The following UFL1 variants were observed in gnomAD, a reference collection of about 807,000 sequenced individuals.
UFL1 encodes the protein UFM1 specific ligase 1.
UFL1 carries 78 observed loss-of-function variants against 99.3 expected under a neutral mutation model. The observed-to-expected ratio is 0.79, with a 90% CI of 0.65 to 0.95. UFL1 has a LOEUF of 0.95. UFL1 is among the 40% of genes least tolerant of loss of function. UFL1 has a pLI of 0.00. For missense variants in UFL1, 936 were observed against 937.0 expected (o/e 1.00, Z 0.01); for synonymous variants, 335 against 322.2 (o/e 1.04, Z -0.42).
At chr6:96,550,350 T>C (rs1307503891) in intron 15 of UFL1, among the ~76,000 whole-genome samples, 1 of 151,896 alleles carries the variant, frequency 6.6e-6, no homozygotes, top group African/African-American at 2.4e-5. Flanking sequence ...CTCTACCTCC[T>C]CTTCCTCCTC....
At position 96,521,806 on chromosome 6, in the gene UFL1, C is replaced by T. The variant is rs1397944399; in HGVS notation, c.-68C>T. ...TCCCTCTGCGCGGCCCGTTCCGCCT[C>T]TCTTCTCCCACCGCCTGTCGGCTGA... On this transcript the variant is annotated 5_prime_UTR_variant, in exon 1 of 19. Transcript: ENST00000369278. The T allele has an allele frequency of 4.5e-6, 7 of 1,540,072 alleles. No homozygotes were observed. Among genetic ancestry groups the T allele is most frequent in the South Asian group, 2.4e-5 (2 of 83,916 alleles).
chr6:96,534,235 G>GTTTT, intron 6 of UFL1, 28 bp from the exon 7 acceptor site: 5 of 1,107,108 alleles, frequency 4.5e-6, no homozygotes, highest in South Asian at 3.6e-5. Flanking sequence ...TGAGTAAGAA[G>GTTTT]TTTTTTTTTT....
chr6:96,541,244 T>C (rs1377313644), intron 11 of UFL1, among the ~76,000 whole-genome samples: 1 of 151,454 alleles, frequency 6.6e-6, no homozygotes, highest in African/African-American at 2.4e-5. Flanking sequence ...TGTTGTACTC[T>C]TGCTACATAC....
In UFL1 at chr6:96,551,842, T is replaced by TAGA; in HGVS notation, c.1908_1910dup (p.Glu636dup). 4.4e-6 allele frequency: 7 copies of TAGA among 1,601,356 alleles called. No individual in the cohort carries two copies. Among genetic ancestry groups the TAGA allele is most frequent in the Non-Finnish European group, 6.0e-6 (7 of 1,172,176 alleles). On this transcript the variant is annotated inframe_insertion, in exon 17 of 19. Coordinates refer to ENST00000369278, the MANE Select transcript of UFL1 (RefSeq NM_015323.5). ...TGGTATTCAATGCCTTTTCAGAGCA[T>TAGA]AGAAGACTTTATTTCTTGTCTGGAT...
chr6:96,548,311 A>G (rs759488479), intron 13 of UFL1, 30 bp downstream of exon 13: 4 of 1,346,430 alleles, frequency 3.0e-6, no homozygotes, highest in Non-Finnish European at 1.0e-6. Flanking sequence ...TTTCTGTTTT[A>G]TGGTAGAAAT....
intron 6 of UFL1, among the ~76,000 whole-genome samples, chr6:96,532,270 AT>A (rs1260622243): frequency 1.3e-5 from 2 of 152,196 alleles, no homozygotes; most frequent in Non-Finnish European, 2.9e-5. Flanking sequence ...AGCCTTCTAC[AT>A]TTTTGTAAGG....
chr6:96,536,477 C>A (rs1269489548), intron 8 of UFL1, 87 bp downstream of exon 8: 53 of 962,338 alleles, frequency 5.5e-5, no homozygotes, highest in Non-Finnish European at 1.4e-6. Flanking sequence ...TAGAGTCCTC[C>A]TTTGATCTGT....
chr6:96,535,509 C>T (rs1769840675), intron 7 of UFL1, among the ~76,000 whole-genome samples: 1 of 151,920 alleles, frequency 6.6e-6, no homozygotes, highest in Admixed American at 6.6e-5. Context: ...TATTATATGC[C>T]AGCTACTGTT....
intron 11 of UFL1, among the ~76,000 whole-genome samples, chr6:96,541,326 A>T (rs765000095): frequency 6.6e-6 from 1 of 151,474 alleles, no homozygotes; most frequent in Non-Finnish European, 1.5e-5. Flanking sequence ...TCTGAAGGAC[A>T]TATTTTTACA....
chr6:96,537,627 A>G (rs1769872283), intron 9 of UFL1, 78 bp downstream of exon 9: 4 of 1,376,136 alleles, frequency 2.9e-6, no homozygotes, highest in Non-Finnish European at 2.9e-6. Context: ...TTTAGAAATT[A>G]GGATACATAA....
intron 4 of UFL1, 24 bp from the exon 5 acceptor site, chr6:96,526,297 T>C (rs774612428): frequency 2.6e-6 from 4 of 1,556,430 alleles, no homozygotes; most frequent in Non-Finnish European, 3.5e-6. Context: ...CTTTTTTCTA[T>C]TATTTTCTTG....
intron 4 of UFL1, among the ~76,000 whole-genome samples, chr6:96,525,668 C>A (rs1769687908): frequency 6.8e-6 from 1 of 146,062 alleles, no homozygotes; most frequent in African/African-American, 2.5e-5. Context: ...AGCAAAGATC[C>A]TGTCTCAAAT....
At chr6:96,539,794 A>G (rs1763758914) in intron 10 of UFL1, among the ~76,000 whole-genome samples, 1 of 151,572 alleles carries the variant, frequency 6.6e-6, no homozygotes, top group Non-Finnish European at 1.5e-5. Context: ...CATGGTTATC[A>G]CTTTTCTTCT....
chr6:96,553,424 G>A lies in UFL1; in HGVS notation c.2306G>A (p.Arg769His), dbSNP rs768541388. 1.2e-5 allele frequency: 19 copies of A among 1,613,588 alleles called. No homozygotes were observed. Among genetic ancestry groups the A allele is most frequent in the East Asian group, 6.7e-5 (3 of 44,834 alleles). ...CAAGAAGATGTTGCCAGTACTACTC[G>A]TAAAGAGCTTCAAGAACTTTCTTCA... ...KEQEDVASTT[R>H]KELQELSSSI... is the part of the protein sequence containing the mutation. The change falls in exon 19 of 19, where the codon CGT becomes CAT. Residue 769 changes from arginine to histidine, a missense_variant. Transcript: ENST00000369278.
At chr6:96,538,300 T>C (rs1185910122) in intron 9 of UFL1, among the ~76,000 whole-genome samples, 2 of 151,788 alleles carry the variant, frequency 1.3e-5, no homozygotes, top group Non-Finnish European at 2.9e-5. Context: ...AAAATACATT[T>C]TGAAGGTTAT....
rs1582447282 is a variant in UFL1, at chr6:96,551,427, C to T, written c.1819-6C>T. 2 of 1,457,890 alleles carry T rather than the reference C, an allele frequency of 1.4e-6. No homozygotes were observed. Among genetic ancestry groups the T allele is most frequent in the South Asian group, 2.5e-5 (2 of 79,182 alleles). 90.3% of individuals were successfully genotyped at this position (1,457,890 alleles called of 1,614,324 possible). On this transcript the variant is annotated splice_region_variant and splice_polypyrimidine_tract_variant and intron_variant, in intron 15 of 18. Coordinates refer to ENST00000369278, the MANE Select transcript of UFL1 (RefSeq NM_015323.5). ...GTACTGAATGAATTTTCATTTACCC[C>T]TACAGATAAGAAAGAAAATTTTAAG... is the stretch of plus-strand genomic sequence containing the variant.
chr6:96,551,540 T>C, intron 16 of UFL1, 27 bp downstream of exon 16: 2 of 1,380,844 alleles, frequency 1.4e-6, no homozygotes, highest in South Asian at 2.7e-5. Flanking sequence ...TCTATTTACA[T>C]GTCAGGGCTA....
rs1447248545 is a variant in UFL1, at chr6:96,554,645, CA to C, written c.*1143del. On this transcript the variant is annotated 3_prime_UTR_variant, in exon 19 of 19. Transcript: ENST00000369278. The stretch of plus-strand genomic sequence containing the variant: ...TACTATTTTATATAATTCCTTATGA[CA>C]TTTTAAACTTTATATTTTAAAATAT... 6.6e-6 allele frequency: 1 copy of C among 152,238 alleles called. No individual in the cohort carries two copies. Among genetic ancestry groups the C allele is most frequent in the Non-Finnish European group, 1.5e-5 (1 of 67,894 alleles). The allele number at this position is 152,238 out of a possible 1,614,324, so 9.4% of individuals were successfully genotyped here. A position where few individuals can be genotyped will look rare whatever the true frequency, so the allele number is the denominator to read the frequency against.
At chr6:96,540,341 G>C (rs752565681) in intron 10 of UFL1, among the ~76,000 whole-genome samples, 194 bp from the exon 11 acceptor site, 4 of 151,438 alleles carry the variant, frequency 2.6e-5, no homozygotes, top group Non-Finnish European at 4.4e-5. Flanking sequence ...TACAAAAAAG[G>C]TCAAGAGCAG....
Sources: gnomAD v4.1 joint callset for allele counts (sites outside exome capture counted in the v4.1 genomes callset) on GRCh38, gnomAD v4.1.1 for gene constraint, MANE v1.5 for transcripts, NCBI Gene and HGNC (gene_info 2026-07-23, HGNC 2026-07-21) for gene names.